The following TENM3 variants were observed in gnomAD, a reference collection of about 807,000 sequenced individuals.
The protein encoded by TENM3 is teneurin transmembrane protein 3.
In TENM3, 63 loss-of-function variants were observed where a neutral mutation model predicts 255.1. The observed-to-expected ratio is 0.25, with a 90% confidence interval of 0.20 to 0.30. TENM3 has a LOEUF of 0.30. TENM3 is among the 10% of genes least tolerant of loss of function. TENM3 has a pLI of 1.00. For synonymous variants in TENM3, 1,306 were observed against 1,322.3 expected, an observed-to-expected ratio of 0.99 and a Z score of 0.27; for missense variants, 2,929 against 3,461.1, an observed-to-expected ratio of 0.85 and a Z score of 3.86.
At chr4:181,548,293 C>T in the TENM3 span, among the ~76,000 whole-genome samples, 5 of 152,146 alleles carry the variant, frequency 3.3e-5, no homozygotes, top group African/African-American at 1.2e-4. Context: ...CCATTTGACC[C>T]AGCCATCCCA....
At position 182,730,818 on chromosome 4, in the gene TENM3, G is replaced by A; in HGVS notation, c.2706-60G>A. On this transcript the variant is annotated intron_variant, in intron 15 of 27. Transcript: ENST00000511685. ...ATAAAGCATATTAACTTAAGGAGGT[G>A]TGTATTGGTAGTTATGTGGGATCCA... The A allele has an allele frequency of 7.6e-6, 12 of 1,570,690 alleles. No homozygotes were observed. The South Asian group carries it at 1.0e-4, about 14-fold the overall frequency.
chr4:182,752,876 G>A (rs1371550946), intron 20 of TENM3, among the ~76,000 whole-genome samples: 2 of 151,556 alleles, frequency 1.3e-5, no homozygotes, highest in Admixed American at 6.6e-5. Flanking sequence ...GAAACATTCA[G>A]GTATTACCTG....
the TENM3 span, among the ~76,000 whole-genome samples, chr4:181,451,853 T>G: frequency 6.6e-6 from 1 of 152,192 alleles, no homozygotes; most frequent in African/African-American, 2.4e-5. Context: ...ACATTGACTT[T>G]TAGATGGCAA....
Position 182,601,098 on chromosome 4 carries a change from C to G in TENM3, c.686C>G (p.Thr229Arg). The G allele has an allele frequency of 6.2e-7, 1 of 1,613,846 alleles. No homozygotes were observed. Among genetic ancestry groups the G allele is most frequent in the Non-Finnish European group, 8.5e-7 (1 of 1,179,866 alleles). The change falls in exon 4 of 28, where the codon ACA becomes AGA. Residue 229 changes from threonine (T) to arginine (R), a missense_variant. Thr to Arg is a moderately conservative substitution (Grantham distance 71, BLOSUM62 -1). This residue lies in a region of TENM3 where 1,608 missense variants were observed against 1,884.4 expected (regional missense o/e 0.85). Transcript: ENST00000511685. ...PAALPAELQT[T>R]PESVQLQDSW... is the part of the protein sequence containing the mutation. ...GCTTTGCCCGCCGAGCTGCAAACCACACCCGAGTCCGTCCAGCTGCAGGAC... is the reference window on the plus strand; with the variant it reads ...GCTTTGCCCGCCGAGCTGCAAACCAGACCCGAGTCCGTCCAGCTGCAGGAC...
At chr4:182,615,351 G>A (rs981823141) in intron 4 of TENM3, among the ~76,000 whole-genome samples, 6 of 152,118 alleles carry the variant, frequency 3.9e-5, no homozygotes, top group South Asian at 2.1e-4. Context: ...CTCTCTCTGC[G>A]AAGAAATTAA....
the TENM3 span, among the ~76,000 whole-genome samples, chr4:182,066,598 A>T: frequency 1.5e-4 from 5 of 33,346 alleles, no homozygotes; most frequent in African/African-American, 2.9e-4. Context: ...GGTAAAAAAA[A>T]AATATATATA....
chr4:182,800,154 C>G lies in TENM3; in HGVS notation c.7903C>G (p.Arg2635Gly), dbSNP rs1394905630. Residue 2635 changes from arginine (R) to glycine (G), a missense_variant, in exon 28 of 28, where the codon CGC (arginine) becomes GGC (glycine). By Grantham distance (125) the Arg-to-Gly change is moderately radical (BLOSUM62 -2). This residue lies in a region of TENM3 where 476 missense variants were observed against 480.1 expected (regional missense o/e 0.99). Coordinates refer to ENST00000511685, the MANE Select transcript of TENM3 (RefSeq NM_001080477.4). ...RQRALARAWAREQQRVRDGEE... is the reference protein window; with the variant it reads ...RQRALARAWAGEQQRVRDGEE... ...GCGCGCGCTCGCCCGGGCCTGGGCG[C>G]GCGAGCAGCAGCGCGTGCGCGACGG... 2 of 1,453,938 alleles carry G rather than the reference C, an allele frequency of 1.4e-6. No homozygotes were observed. The highest frequency in any genetic ancestry group is 2.8e-5 in the South Asian group (2 of 72,236). The allele number at this position is 1,453,938 out of a possible 1,614,324, so 90.1% of individuals were successfully genotyped here.
chr4:182,408,742 G>T (rs894284774), intron 3 of TENM3, among the ~76,000 whole-genome samples: 1 of 151,882 alleles, frequency 6.6e-6, no homozygotes, highest in Non-Finnish European at 1.5e-5. Context: ...CCGTGTAGAT[G>T]AAATAGTATT....
At chr4:181,950,712 T>A in the TENM3 span, among the ~76,000 whole-genome samples, 1 of 152,124 alleles carries the variant, frequency 6.6e-6, no homozygotes, top group Non-Finnish European at 1.5e-5. Context: ...TTTCTCAACA[T>A]CTGAAAAATT....
chr4:182,732,884 G>A (rs1288281621), intron 16 of TENM3, among the ~76,000 whole-genome samples: 1 of 151,994 alleles, frequency 6.6e-6, no homozygotes, highest in African/African-American at 2.4e-5. Flanking sequence ...AAAAATCTGT[G>A]GTCATTAAAG....
At chr4:182,636,713 T>C (rs1751872022) in intron 5 of TENM3, among the ~76,000 whole-genome samples, 1 of 134,046 alleles carries the variant, frequency 7.5e-6, no homozygotes, top group South Asian at 2.2e-4. Flanking sequence ...TGAGACTCTG[T>C]CTCAAAAAAA....
At chr4:182,763,205 T>C (rs1220650798) in intron 22 of TENM3, among the ~76,000 whole-genome samples, 1 of 152,196 alleles carries the variant, frequency 6.6e-6, no homozygotes, top group Non-Finnish European at 1.5e-5. Context: ...GTTAATTGAT[T>C]AAGCATTTAA....
At chr4:182,740,854 T>A (rs1157920954) in intron 18 of TENM3, among the ~76,000 whole-genome samples, 1 of 152,146 alleles carries the variant, frequency 6.6e-6, no homozygotes, top group Non-Finnish European at 1.5e-5. Flanking sequence ...TCCAAAATGC[T>A]GTCCTCAAAA....
In TENM3 at chr4:182,784,303, A is replaced by G. The variant is rs11946991; in HGVS notation, c.5305-4790A>G. Among the ~76,000 whole-genome samples the G allele has an allele frequency of 1.4e-3, 216 of 151,978 alleles. 2 individuals carry two copies. Among genetic ancestry groups the G allele is most frequent in the Middle Eastern group, 6.8e-3 (2 of 294 alleles). On this transcript the variant is annotated intron_variant, in intron 24 of 27. Coordinates refer to ENST00000511685, the MANE Select transcript of TENM3 (RefSeq NM_001080477.4). ...GACCCTCAGCTGCAGGTCTGTTGGAATACCCTGCCGTGTGAGGTGTCAGTG... is the reference window on the plus strand; with the variant it reads ...GACCCTCAGCTGCAGGTCTGTTGGAGTACCCTGCCGTGTGAGGTGTCAGTG...
chr4:182,744,958 G>A (rs369732565), intron 19 of TENM3, among the ~76,000 whole-genome samples: 4 of 151,912 alleles, frequency 2.6e-5, no homozygotes, highest in African/African-American at 9.7e-5. Context: ...AAAAAAAGGC[G>A]GAGGAAACCA....
At chr4:181,905,706 G>A in the TENM3 span, 12 of 204,508 alleles carry the variant, frequency 5.9e-5, no homozygotes, top group African/African-American at 1.2e-4. Context: ...GAGTGCAGTG[G>A]CACAACCACG....
the TENM3 span, among the ~76,000 whole-genome samples, chr4:181,977,633 G>A: frequency 1.3e-5 from 2 of 152,190 alleles, no homozygotes; most frequent in Non-Finnish European, 2.9e-5. Flanking sequence ...CCACAAGAGA[G>A]GCCTAGACCC....
intron 22 of TENM3, among the ~76,000 whole-genome samples, chr4:182,769,533 C>T (rs766710130): frequency 1.3e-5 from 2 of 151,962 alleles, no homozygotes; most frequent in African/African-American, 4.8e-5. Context: ...CCTGTAATCC[C>T]AGCACTTTGG....
the TENM3 span, among the ~76,000 whole-genome samples, chr4:181,528,679 C>A: frequency 6.6e-6 from 1 of 152,320 alleles, no homozygotes; most frequent in East Asian, 1.9e-4. Context: ...GAGGTTAAGT[C>A]ACTTTCCCAA....
Sources: allele counts gnomAD v4.1 joint callset (sites outside exome capture counted in the v4.1 genomes callset), GRCh38; gene constraint gnomAD v4.1.1; regional missense constraint gnomAD v4.1.1; transcripts MANE v1.5; gene names NCBI Gene and HGNC (gene_info 2026-07-23, HGNC 2026-07-21).